Variants in MAP3K15 observed in about 807,000 individuals in gnomAD.
MAP3K15 encodes the protein mitogen-activated protein kinase kinase kinase 15, also known as MAPK/ERK kinase kinase 15.
Under a neutral mutation model 99.5 loss-of-function variants are expected in MAP3K15, and 124 were observed. The observed-to-expected ratio is 1.25, with a 90% CI of 1.08 to 1.45. The LOEUF is 1.45. Among genes scored for constraint, MAP3K15 ranks in the 40% most tolerant of loss-of-function variants. MAP3K15 has a pLI of 0.00. For missense variants in MAP3K15, 1,242 were observed against 1,079.7 expected (o/e 1.15, Z -2.11); for synonymous variants, 494 against 439.6 (o/e 1.12, Z -1.55).
chrX:19,510,509 ACT>A (rs1291845447), intron 1 of MAP3K15, among the ~76,000 whole-genome samples: 7 of 111,990 alleles, frequency 6.3e-5, no homozygotes, highest in Non-Finnish European at 1.1e-4. Flanking sequence ...CATGCTAAAA[ACT>A]CTCAACAAAC....
At chrX:19,468,244 C>A (rs2064182529) in intron 3 of MAP3K15, among the ~76,000 whole-genome samples, 1 of 111,965 alleles carries the variant, frequency 8.9e-6, no homozygotes, top group Non-Finnish European at 1.9e-5. Flanking sequence ...GGTAGACCAG[C>A]TAGAAGTTTA....
intron 19 of MAP3K15, among the ~76,000 whole-genome samples, chrX:19,379,022 G>C (rs762010367): frequency 8.7e-4 from 97 of 111,540 alleles, no homozygotes; most frequent in African/African-American, 3.0e-3. Context: ...CCCACTGTAA[G>C]AGCAAACATG....
At chrX:19,409,190 C>CA (rs200884039) in intron 12 of MAP3K15, among the ~76,000 whole-genome samples, 1,193 of 111,669 alleles carry the variant, frequency 0.011, 16 homozygotes, top group African/African-American at 0.038. Context: ...ACTGGGGATT[C>CA]ATTCAGTGGC....
chrX:19,425,463 T>G, intron 9 of MAP3K15, 68 bp downstream of exon 9: 1 of 1,039,564 alleles, frequency 9.6e-7, no homozygotes, highest in Non-Finnish European at 1.3e-6. Flanking sequence ...ATAGTGATTA[T>G]AAGGAAGACA....
chrX:19,393,059 A>G (rs2063538360), intron 16 of MAP3K15, among the ~76,000 whole-genome samples: 2 of 110,796 alleles, frequency 1.8e-5, no homozygotes, highest in African/African-American at 6.6e-5. Flanking sequence ...ACTTCCCCCA[A>G]TTACGCTATT....
chrX:19,412,677 G>C (rs965057077), intron 11 of MAP3K15, among the ~76,000 whole-genome samples: 1 of 111,336 alleles, frequency 9.0e-6, no homozygotes, highest in African/African-American at 3.3e-5. Context: ...GAAAGCCACA[G>C]GATCCAGTAA....
chrX:19,396,159 G>A (rs150189090), intron 15 of MAP3K15, among the ~76,000 whole-genome samples: 2,996 of 111,645 alleles, frequency 0.027, 90 homozygotes, highest in African/African-American at 0.09. Context: ...ATTTGCCACC[G>A]AACCAGCAGA....
At chrX:19,391,851 G>A (rs1373322414) in intron 18 of MAP3K15, 151 bp downstream of exon 18, 12 of 412,615 alleles carry the variant, frequency 2.9e-5, no homozygotes, top group Non-Finnish European at 5.0e-5. Flanking sequence ...AAAACAATTT[G>A]AAGTTGGGGA....
intron 3 of MAP3K15, among the ~76,000 whole-genome samples, chrX:19,477,705 T>TAAA (rs748782922): frequency 2.1e-4 from 2 of 9,716 alleles, no homozygotes; most frequent in East Asian, 4.0e-3. Flanking sequence ...GCAAGAGTGT[T>TAAA]AGAAAAAAAA....
rs369871140 is a variant in MAP3K15, at chrX:19,460,086, G to T, written c.787C>A (p.Leu263Met). 4.2e-6 allele frequency: 5 copies of T among 1,194,835 alleles called. No individual in the cohort carries two copies. The African/African-American group carries it at 7.0e-5, about 17-fold the overall frequency. The change falls in exon 5 of 29, where the codon CTG (leucine) becomes ATG (methionine). Residue 263 changes from leucine to methionine, a missense_variant. Coordinates refer to ENST00000338883, the MANE Select transcript of MAP3K15 (RefSeq NM_001001671.4). ...KAREKYQGEE[L>M]AKELARIKLR... is the part of the protein sequence containing the mutation. ...TTGATCCGAGCTAGCTCCTTCGCCA[G>T]TTCCTCACCTTGGTATTTCTCTCTG...
intron 13 of MAP3K15, among the ~76,000 whole-genome samples, chrX:19,405,090 G>A (rs1191873880): frequency 3.6e-5 from 4 of 110,226 alleles, no homozygotes; most frequent in Non-Finnish European, 7.6e-5. Context: ...CCTACAGGAT[G>A]GGAAAAAGCA....
chrX:19,475,518 CA>C (rs2064236524), intron 3 of MAP3K15, among the ~76,000 whole-genome samples: 1 of 111,178 alleles, frequency 9.0e-6, no homozygotes, highest in Admixed American at 9.6e-5. Flanking sequence ...TAAAAACCCC[CA>C]ATCGTGACTC....
chrX:19,450,817 A>T (rs1223472490), intron 6 of MAP3K15, among the ~76,000 whole-genome samples: 1 of 109,341 alleles, frequency 9.1e-6, no homozygotes, highest in East Asian at 2.8e-4. Context: ...CCTTTAAGCA[A>T]ATATTTTTTT....
chrX:19,381,599 G>A (rs2063458566), intron 18 of MAP3K15, among the ~76,000 whole-genome samples: 2 of 112,107 alleles, frequency 1.8e-5, no homozygotes, highest in African/African-American at 6.5e-5. Flanking sequence ...GGGAACAAGC[G>A]ATGTCTGACA....
chrX:19,515,097 GC>G lies in MAP3K15; in HGVS notation c.164del (p.Gly55AlafsTer71). 2 of 863,713 alleles carry G rather than the reference GC, an allele frequency of 2.3e-6. No individual in the cohort carries two copies. Among genetic ancestry groups the G allele is most frequent in the Non-Finnish European group, 1.5e-6 (1 of 675,090 alleles). 71.2% of individuals were successfully genotyped at this position (863,713 alleles called of 1,213,427 possible). A position where few individuals can be genotyped will look rare whatever the true frequency, so the allele number is the denominator to read the frequency against. On this transcript the variant is annotated frameshift_variant, in exon 1 of 29. Coordinates refer to ENST00000338883, the MANE Select transcript of MAP3K15 (RefSeq NM_001001671.4). LOFTEE classifies it high-confidence loss of function. ...CTGCCCGCAGAGCCCGCCGCGGCCCGCCCCCACTCTCGCCCTCGCCGCTGCC... is the reference window on the plus strand; with the variant it reads ...CTGCCCGCAGAGCCCGCCGCGGCCCGCCCCACTCTCGCCCTCGCCGCTGCC... ...AGGSGEGESG[G>X]GPRRALRAVY...
In MAP3K15 at chrX:19,475,318, G is replaced by A. The variant is rs750245959; in HGVS notation, c.526-10912C>T. Among the ~76,000 whole-genome samples, 63 of 111,069 alleles carry A rather than the reference G, an allele frequency of 5.7e-4. 1 individual carries two copies. The highest frequency in any genetic ancestry group is 1.8e-3 in the African/African-American group (56 of 30,562). ...GCTGATCTGACAGGAGGCAGCGTTC[G>A]GGCGGTAATGCGAGCAATGGGGGAG... On this transcript the variant is annotated intron_variant, in intron 3 of 28. Coordinates refer to ENST00000338883, the MANE Select transcript of MAP3K15 (RefSeq NM_001001671.4).
chrX:19,383,044 A>G (rs965391336), intron 18 of MAP3K15, among the ~76,000 whole-genome samples: 16 of 111,005 alleles, frequency 1.4e-4, no homozygotes, highest in African/African-American at 4.9e-4. Flanking sequence ...AGTCGGCCCC[A>G]GTCTCCCGCT....
intron 3 of MAP3K15, among the ~76,000 whole-genome samples, chrX:19,470,110 A>C (rs1223476686): frequency 8.9e-6 from 1 of 112,047 alleles, no homozygotes; most frequent in Non-Finnish European, 1.9e-5. Flanking sequence ...ATGTATGTTT[A>C]TTGCGGCACT....
intron 19 of MAP3K15, among the ~76,000 whole-genome samples, chrX:19,375,146 C>T (rs1319055368): frequency 8.9e-6 from 1 of 112,401 alleles, no homozygotes; most frequent in Non-Finnish European, 1.9e-5. Context: ...CTCAAAGAGG[C>T]ATGAGAAAAA....
Sources: gnomAD v4.1 joint callset for allele counts (sites outside exome capture counted in the v4.1 genomes callset) on GRCh38, gnomAD v4.1.1 for gene constraint, MANE v1.5 for transcripts, NCBI Gene and HGNC (gene_info 2026-07-23, HGNC 2026-07-21) for gene names.